MARCHF1: variants seen among roughly 807,000 people sequenced by gnomAD.
MARCHF1 encodes membrane associated ring-CH-type finger 1, also known as E3 ubiquitin-protein ligase MARCHF1.
Under a neutral mutation model 54.2 loss-of-function variants are expected in MARCHF1, and 40 were observed. The observed-to-expected ratio is 0.74, with a 90% CI of 0.57 to 0.96. The LOEUF is 0.96. Ranked by LOEUF, MARCHF1 falls within the 40% of genes least tolerant of loss-of-function variation. MARCHF1 has a pLI of 0.00. For synonymous variants in MARCHF1, 236 were observed against 236.3 expected (o/e 1.00, Z 0.01); for missense variants, 586 against 656.5 (o/e 0.89, Z 1.17).
At chr4:163,658,569 T>G (rs192164902) in intron 5 of MARCHF1, among the ~76,000 whole-genome samples, 1 of 151,950 alleles carries the variant, frequency 6.6e-6, no homozygotes, top group Admixed American at 6.6e-5. Flanking sequence ...CAAAGGAATA[T>G]AAATCATTCT....
chr4:164,094,500 C>G (rs1420073144), intron 2 of MARCHF1, among the ~76,000 whole-genome samples: 1 of 152,084 alleles, frequency 6.6e-6, no homozygotes, highest in Non-Finnish European at 1.5e-5. Context: ...ATGGACCTGC[C>G]TCCATTGCCA....
intron 1 of MARCHF1, among the ~76,000 whole-genome samples, chr4:164,220,972 G>C (rs76931694): frequency 0.042 from 6,406 of 151,682 alleles, 449 homozygotes; most frequent in African/African-American, 0.15. Flanking sequence ...TGTTTGTTCT[G>C]ATCTTCATCC....
intron 3 of MARCHF1, among the ~76,000 whole-genome samples, chr4:163,891,296 T>G (rs1750655557): frequency 6.6e-6 from 1 of 152,164 alleles, no homozygotes; most frequent in African/African-American, 2.4e-5. Flanking sequence ...TAGCTCATAA[T>G]GGTGAATAAT....
chr4:164,366,928 G>A (rs183007758), intron 1 of MARCHF1, among the ~76,000 whole-genome samples: 14 of 98,456 alleles, frequency 1.4e-4, no homozygotes, highest in Admixed American at 7.0e-4. Flanking sequence ...CAACCTCACA[G>A]CATTTTTACC....
intron 1 of MARCHF1, among the ~76,000 whole-genome samples, chr4:164,345,693 C>G (rs1410414350): frequency 6.6e-6 from 1 of 151,578 alleles, no homozygotes; most frequent in Non-Finnish European, 1.5e-5. Flanking sequence ...TTGCTTAATA[C>G]CTTACTGTGA....
intron 3 of MARCHF1, among the ~76,000 whole-genome samples, chr4:163,891,354 C>T (rs1750656361): frequency 6.6e-6 from 1 of 151,872 alleles, no homozygotes; most frequent in Admixed American, 6.6e-5. Context: ...AAGGTGTTAA[C>T]TAAAAAAACA....
chr4:163,615,966 A>G (rs543534784), intron 5 of MARCHF1, among the ~76,000 whole-genome samples: 1 of 152,266 alleles, frequency 6.6e-6, no homozygotes, highest in South Asian at 2.1e-4. Flanking sequence ...CCAAGAACTT[A>G]CATTGGAAAA....
intron 3 of MARCHF1, among the ~76,000 whole-genome samples, chr4:163,858,634 G>A (rs944138777): frequency 2.6e-5 from 4 of 152,134 alleles, no homozygotes; most frequent in Non-Finnish European, 5.9e-5. Context: ...TAATAATAAA[G>A]TTCAGTTTCC....
At chr4:164,026,366 C>T (rs916069204) in intron 2 of MARCHF1, among the ~76,000 whole-genome samples, 2 of 152,074 alleles carry the variant, frequency 1.3e-5, no homozygotes, top group African/African-American at 4.8e-5. Flanking sequence ...TCCAGTGGCA[C>T]ACTAAAAAGT....
intron 8 of MARCHF1, among the ~76,000 whole-genome samples, chr4:163,573,679 A>G (rs1478895999): frequency 2.0e-5 from 3 of 151,860 alleles, no homozygotes; most frequent in African/African-American, 4.8e-5. Flanking sequence ...TCTATGGTGT[A>G]TATGTGCCAC....
intron 5 of MARCHF1, among the ~76,000 whole-genome samples, chr4:163,663,695 C>CA (rs1253183746): frequency 1.3e-5 from 2 of 152,092 alleles, no homozygotes; most frequent in African/African-American, 4.8e-5. Context: ...CTCTCTCCAA[C>CA]ATGCTGTGTC....
At chr4:163,744,396 G>A (rs938611862) in intron 4 of MARCHF1, among the ~76,000 whole-genome samples, 3 of 152,168 alleles carry the variant, frequency 2.0e-5, no homozygotes, top group Non-Finnish European at 4.4e-5. Context: ...CTCTTATATA[G>A]TAAGTATCTC....
chr4:163,903,884 A>T (rs1401935820), intron 3 of MARCHF1, among the ~76,000 whole-genome samples: 1 of 152,102 alleles, frequency 6.6e-6, no homozygotes, highest in Non-Finnish European at 1.5e-5. Flanking sequence ...CCAAAGTTCT[A>T]GTATTACAGG....
chr4:164,181,398 T>C (rs1001434490), intron 1 of MARCHF1, among the ~76,000 whole-genome samples: 1 of 152,294 alleles, frequency 6.6e-6, no homozygotes, highest in East Asian at 1.9e-4. Context: ...GTACACTATG[T>C]ATGTCTAATT....
chr4:164,187,710 A>G (rs1731008078), intron 1 of MARCHF1, among the ~76,000 whole-genome samples: 1 of 152,186 alleles, frequency 6.6e-6, no homozygotes, highest in Admixed American at 6.5e-5. Flanking sequence ...AGGTAAATAA[A>G]GAGAAATCAA....
At chr4:163,623,499 A>G (rs936618007) in intron 5 of MARCHF1, among the ~76,000 whole-genome samples, 8 of 152,164 alleles carry the variant, frequency 5.3e-5, no homozygotes, top group African/African-American at 1.4e-4. Flanking sequence ...TCCTGATTCT[A>G]TGAGAATCCA....
At chr4:164,094,308 T>A (rs768267717) in intron 2 of MARCHF1, among the ~76,000 whole-genome samples, 2 of 152,148 alleles carry the variant, frequency 1.3e-5, no homozygotes, top group Non-Finnish European at 2.9e-5. Context: ...GAAGGGAGGA[T>A]AATGCTGTAG....
chr4:164,137,641 C>T (rs1436333240), intron 1 of MARCHF1, among the ~76,000 whole-genome samples: 1 of 151,990 alleles, frequency 6.6e-6, no homozygotes, highest in Non-Finnish European at 1.5e-5. Context: ...CCTAATAAAA[C>T]ATGTCATATA....
At chr4:163,821,070 A>T (rs1391071531) in intron 4 of MARCHF1, among the ~76,000 whole-genome samples, 6 of 152,022 alleles carry the variant, frequency 3.9e-5, no homozygotes, top group Non-Finnish European at 8.8e-5. Context: ...CACTTGATCA[A>T]CTTGTTCTGT....
Sources: gnomAD v4.1 joint callset for allele counts (sites outside exome capture counted in the v4.1 genomes callset) on GRCh38, gnomAD v4.1.1 for gene constraint, MANE v1.5 for transcripts, NCBI Gene and HGNC (gene_info 2026-07-23, HGNC 2026-07-21) for gene names.